Variants in ANKFN1 observed in about 807,000 individuals in gnomAD.
The protein encoded by ANKFN1 is ankyrin repeat and fibronectin type III domain containing 1.
In ANKFN1, 74 loss-of-function variants were observed where a neutral mutation model predicts 108.7. The observed-to-expected ratio is 0.68, with a 90% CI of 0.56 to 0.83. The LOEUF (loss-of-function observed/expected upper bound fraction) is 0.83, where lower values mean the gene tolerates loss of function less well. ANKFN1 is among the 40% of genes least tolerant of loss of function. The pLI, the probability that ANKFN1 is intolerant of heterozygous loss-of-function variation, is 0.00. For missense variants in ANKFN1, 1,505 were observed against 1,382.3 expected, an observed-to-expected ratio of 1.09 and a Z score of -1.41; for synonymous variants, 547 against 516.2, an observed-to-expected ratio of 1.06 and a Z score of -0.81.
At chr17:56,280,022 T>A (rs1043921418) in intron 3 of ANKFN1, among the ~76,000 whole-genome samples, 1 of 151,240 alleles carries the variant, frequency 6.6e-6, no homozygotes, top group African/African-American at 2.4e-5. Flanking sequence ...TTTTTTTTTT[T>A]TTCTCAAGAC....
At chr17:56,117,882 A>G (rs1029603371) in intron 4 of ANKFN1, among the ~76,000 whole-genome samples, 15 of 152,228 alleles carry the variant, frequency 9.9e-5, no homozygotes, top group Middle Eastern at 3.4e-3. Context: ...AGCAGTCCCT[A>G]TCCATCTCTG....
chr17:56,215,530 A>G (rs892113661), intron 2 of ANKFN1, among the ~76,000 whole-genome samples: 1 of 152,240 alleles, frequency 6.6e-6, no homozygotes, highest in Non-Finnish European at 1.5e-5. Context: ...GGGCCCGAGA[A>G]GAAAGAATCT....
At chr17:56,404,451 C>T (rs1462290352) in intron 8 of ANKFN1, among the ~76,000 whole-genome samples, 2 of 152,152 alleles carry the variant, frequency 1.3e-5, no homozygotes, top group Non-Finnish European at 2.9e-5. Context: ...AATTCTATTG[C>T]TGAGACTTTC....
chr17:56,421,828 G>C (rs2048413614), intron 8 of ANKFN1, among the ~76,000 whole-genome samples: 1 of 152,136 alleles, frequency 6.6e-6, no homozygotes, highest in South Asian at 2.1e-4. Context: ...TGGTTCATCA[G>C]AATATATTCT....
At chr17:56,292,515 G>T (rs561250492) in intron 3 of ANKFN1, among the ~76,000 whole-genome samples, 147 of 152,294 alleles carry the variant, frequency 9.7e-4, no homozygotes, top group African/African-American at 2.9e-3. Flanking sequence ...TTGTGTCTGT[G>T]TTGGGTCTCC....
Position 56,457,862 on chromosome 17 carries a change from G to T in ANKFN1, c.1441-1G>T. The T allele has an allele frequency of 6.2e-7, 1 of 1,610,112 alleles. No homozygotes were observed. The highest frequency in any genetic ancestry group is 1.1e-5 in the South Asian group (1 of 90,838). On this transcript the variant is annotated splice_acceptor_variant, in intron 13 of 20. Coordinates refer to ENST00000682825, the MANE Select transcript of ANKFN1 (RefSeq NM_001370326.1). LOFTEE classifies it high-confidence loss of function. Reference sequence around the variant, plus strand: ...ACATGATTGCATGCCTTCTTTTGCAGCTGTCTTGTATGTGGGAAGATATAA... The same window carrying T: ...ACATGATTGCATGCCTTCTTTTGCATCTGTCTTGTATGTGGGAAGATATAA...
chr17:56,170,795 T>TACACACACAC (rs1303107479), intron 1 of ANKFN1, among the ~76,000 whole-genome samples: 14 of 62,258 alleles, frequency 2.2e-4, no homozygotes, highest in South Asian at 1.7e-3. Context: ...TATATATATA[T>TACACACACAC]ATATATATAT....
intron 4 of ANKFN1, among the ~76,000 whole-genome samples, chr17:56,070,628 C>T (rs1244628729): frequency 1.3e-5 from 2 of 152,166 alleles, no homozygotes; most frequent in East Asian, 1.9e-4. Context: ...TGTTTGTTCT[C>T]TTAACCTGCC....
At chr17:56,170,807 T>TACAC (rs112596144) in intron 1 of ANKFN1, among the ~76,000 whole-genome samples, 74 of 61,426 alleles carry the variant, frequency 1.2e-3, no homozygotes, top group South Asian at 1.8e-3. Flanking sequence ...TATATATATA[T>TACAC]ACACACACAC....
At chr17:56,138,929 T>G (rs530980613) in intron 4 of ANKFN1, among the ~76,000 whole-genome samples, 1 of 152,228 alleles carries the variant, frequency 6.6e-6, no homozygotes, top group South Asian at 2.1e-4. Flanking sequence ...AATTAAGCAC[T>G]CATGAGTTCA....
chr17:56,123,795 TTGTGTG>T (rs58283151), intron 4 of ANKFN1, among the ~76,000 whole-genome samples: 78 of 144,800 alleles, frequency 5.4e-4, no homozygotes, highest in Middle Eastern at 6.9e-3. Flanking sequence ...GCATGACTGA[TTGTGTG>T]TGTGTGTGTG....
At chr17:56,260,629 G>T (rs1454834990) in intron 3 of ANKFN1, among the ~76,000 whole-genome samples, 1 of 152,074 alleles carries the variant, frequency 6.6e-6, no homozygotes, top group East Asian at 1.9e-4. Flanking sequence ...AAAAATGAAG[G>T]AAAAAAGTAC....
chr17:56,510,534 C>A lies in ANKFN1; in HGVS notation c.2706C>A (p.Asp902Glu). The A allele has an allele frequency of 6.5e-7, 1 of 1,536,220 alleles. No individual in the cohort carries two copies. Among genetic ancestry groups the A allele is most frequent in the East Asian group, 2.4e-5 (1 of 40,916 alleles). ...AAGTCTTCCTCCCCACCAACAGTGA[C>A]TACGACTCCAGCGATGCCCTGAGCC... ...CSEVFLPTNS[D>E]YDSSDALSPR... The change falls in exon 21 of 21, where the codon GAC becomes GAA. Residue 902 changes from aspartate to glutamate, a missense_variant. Coordinates refer to ENST00000682825, the MANE Select transcript of ANKFN1 (RefSeq NM_001370326.1).
At chr17:56,422,651 T>G (rs1156823242) in intron 8 of ANKFN1, among the ~76,000 whole-genome samples, 2 of 152,186 alleles carry the variant, frequency 1.3e-5, no homozygotes, top group Non-Finnish European at 2.9e-5. Context: ...ATTTTAAGCC[T>G]TCAGATGAGG....
intron 3 of ANKFN1, among the ~76,000 whole-genome samples, chr17:56,238,285 T>A (rs1917304454): frequency 1.3e-5 from 2 of 152,158 alleles, no homozygotes; most frequent in Non-Finnish European, 1.5e-5. Flanking sequence ...GTCTATCAGA[T>A]CCATTTGGTC....
chr17:56,097,276 TGAAGA>T (rs1905553159), intron 4 of ANKFN1, among the ~76,000 whole-genome samples: 1 of 68,676 alleles, frequency 1.5e-5, no homozygotes, highest in Non-Finnish European at 4.1e-5. Context: ...AACTTAAAAA[TGAAGA>T]TTTTGAAGAT....
At chr17:56,403,404 G>A (rs2047822562) in intron 8 of ANKFN1, among the ~76,000 whole-genome samples, 1 of 151,986 alleles carries the variant, frequency 6.6e-6, no homozygotes, top group Non-Finnish European at 1.5e-5. Flanking sequence ...ATATGTTTAG[G>A]ATTGTGATAT....
chr17:56,276,727 A>G (rs2043945019), intron 3 of ANKFN1, among the ~76,000 whole-genome samples: 1 of 152,058 alleles, frequency 6.6e-6, no homozygotes. Context: ...AATTTGTTTA[A>G]GTTCTTTGTA....
intron 6 of ANKFN1, among the ~76,000 whole-genome samples, chr17:56,358,072 G>C (rs1357189245): frequency 6.6e-6 from 1 of 152,104 alleles, no homozygotes; most frequent in African/African-American, 2.4e-5. Flanking sequence ...CACATTAGAT[G>C]CTCAATTCCT....
Sources: gnomAD v4.1 joint callset for allele counts (sites outside exome capture counted in the v4.1 genomes callset) on GRCh38, gnomAD v4.1.1 for gene constraint, MANE v1.5 for transcripts, NCBI Gene and HGNC (gene_info 2026-07-23, HGNC 2026-07-21) for gene names.